ENTPD1: variants seen among roughly 807,000 people sequenced by gnomAD.
ENTPD1 encodes ATP diphosphohydrolase.
ENTPD1 carries 33 observed loss-of-function variants against 57.0 expected under a neutral mutation model. That is an observed-to-expected ratio of 0.58 (90% confidence interval 0.44 to 0.77). The LOEUF is 0.77. ENTPD1 is among the 30% of genes least tolerant of loss of function. The pLI is 0.00. For synonymous variants in ENTPD1, 202 were observed against 218.8 expected (o/e 0.92, Z 0.68); for missense variants, 501 against 603.4 (o/e 0.83, Z 1.78).
chr10:95,790,239 T>G (rs1049338989), intron 1 of ENTPD1, among the ~76,000 whole-genome samples: 1 of 152,234 alleles, frequency 6.6e-6, no homozygotes, highest in Non-Finnish European at 1.5e-5. Flanking sequence ...GGGTTATAAA[T>G]GTATTTTCAC....
At chr10:95,829,959 T>C (rs1042922654) in intron 2 of ENTPD1, among the ~76,000 whole-genome samples, 2 of 152,126 alleles carry the variant, frequency 1.3e-5, no homozygotes, top group Non-Finnish European at 2.9e-5. Context: ...AGTTTGGCTC[T>C]CAGTATGCCC....
chr10:95,734,113 C>A (rs770425846), intron 1 of ENTPD1, among the ~76,000 whole-genome samples: 1 of 152,186 alleles, frequency 6.6e-6, no homozygotes, highest in Non-Finnish European at 1.5e-5. Context: ...CACACTCCCC[C>A]TTTCCTACTT....
In ENTPD1 at chr10:95,743,185, C is replaced by T. The variant is rs139772287; in HGVS notation, c.37+31192C>T. Among the ~76,000 whole-genome samples the T allele has an allele frequency of 3.9e-5, 6 of 152,222 alleles. No homozygotes were observed. In the East Asian group the frequency reaches 1.2e-3, roughly 29 times the overall value. On this transcript the variant is annotated intron_variant, in intron 1 of 9. Coordinates refer to the ENTPD1 transcript ENST00000453258. ...CGTAGCAGTTTTGAGAAATACTGGT[C>T]AGAAATTTTTGTATAATGTCCTTCA...
chr10:95,864,635 CCTCTCTTCATCAGGG>C, intron 8 of ENTPD1, 74 bp from the exon 9 acceptor site: 1 of 1,573,814 alleles, frequency 6.4e-7, no homozygotes, highest in Admixed American at 1.7e-5. Flanking sequence ...GGGGCTTTCC[CCTCTCTTCATCAGGG>C]CTAGTAGAGA....
At chr10:95,722,245 T>A (rs982959189) in intron 1 of ENTPD1, among the ~76,000 whole-genome samples, 1 of 151,554 alleles carries the variant, frequency 6.6e-6, no homozygotes, top group Non-Finnish European at 1.5e-5. Context: ...GTTTTTTTTT[T>A]ATTATCCCAA....
At chr10:95,819,045 A>C (rs2098339552) in intron 1 of ENTPD1, among the ~76,000 whole-genome samples, 1 of 152,176 alleles carries the variant, frequency 6.6e-6, no homozygotes, top group East Asian at 1.9e-4. Context: ...ATCTGTCAAC[A>C]CCCCAAATCT....
At chr10:95,698,908 A>G in the ENTPD1 span, among the ~76,000 whole-genome samples, 2 of 152,236 alleles carry the variant, frequency 1.3e-5, no homozygotes, top group Admixed American at 1.3e-4. Context: ...CCGCCTGTGC[A>G]TAGGCTAACA....
chr10:95,858,312 G>C lies in ENTPD1; in HGVS notation c.1075-2157G>C, dbSNP rs545221331. ...GTGTACAGGTTCTAGGGGAGGAAAG[G>C]CTTGGCGGGGATTGAAAGCCAGGGT... On this transcript the variant is annotated intron_variant, in intron 7 of 9. Coordinates refer to ENST00000371205, the MANE Select transcript of ENTPD1 (RefSeq NM_001776.6). Among the ~76,000 whole-genome samples, 15 of 152,264 alleles carry C rather than the reference G, an allele frequency of 9.9e-5. No homozygotes were observed. The South Asian group carries it at 3.1e-3, about 32-fold the overall frequency.
chr10:95,819,495 A>G (rs770686017), intron 1 of ENTPD1, among the ~76,000 whole-genome samples: 8 of 152,164 alleles, frequency 5.3e-5, no homozygotes, highest in Non-Finnish European at 1.0e-4. Flanking sequence ...TCACCTTAGT[A>G]TGATTATAAC....
At chr10:95,711,854 G>A (rs554781488) in exon 1 of ENTPD1, 3 of 1,542,478 alleles carry the variant, frequency 1.9e-6, no homozygotes, top group African/African-American at 2.7e-5. Flanking sequence ...GTCAGCGATT[G>A]TCAGTGAAAC....
chr10:95,710,876 A>G (rs1379462857), upstream of ENTPD1, among the ~76,000 whole-genome samples: 1 of 152,142 alleles, frequency 6.6e-6, no homozygotes, highest in Non-Finnish European at 1.5e-5. Context: ...CAGAGCCCCA[A>G]CTTTTTACTG....
At chr10:95,797,753 A>G (rs2098232460) in intron 1 of ENTPD1, among the ~76,000 whole-genome samples, 1 of 152,208 alleles carries the variant, frequency 6.6e-6, no homozygotes, top group Non-Finnish European at 1.5e-5. Flanking sequence ...AGAGGACACC[A>G]TGCCATTCAT....
Position 95,869,067 on chromosome 10 carries a change from T to C in ENTPD1, c.*2684T>C, listed in dbSNP as rs2098477443. The stretch of plus-strand genomic sequence containing the variant: ...ACTGTTAACTAATTTTAATATTGGA[T>C]TGGCCATTGGTTATCACTGATTACC... On this transcript the variant is annotated 3_prime_UTR_variant, in exon 10 of 10. Coordinates refer to ENST00000371205, the MANE Select transcript of ENTPD1 (RefSeq NM_001776.6). 2 of 985,134 alleles carry C rather than the reference T, an allele frequency of 2.0e-6. No individual in the cohort carries two copies. Among genetic ancestry groups the C allele is most frequent in the Admixed American group, 6.2e-5 (1 of 16,252 alleles). 61.0% of individuals were successfully genotyped at this position (985,134 alleles called of 1,614,324 possible).
rs534921496 is a variant in ENTPD1 at position 95,874,640 on chromosome 10, G to A, written c.*8257G>A. Among the ~76,000 whole-genome samples the A allele has an allele frequency of 6.6e-6, 1 of 152,204 alleles. No homozygotes were observed. The highest frequency in any genetic ancestry group is 1.5e-5 in the Non-Finnish European group (1 of 68,036). On this transcript the variant is annotated 3_prime_UTR_variant, in exon 10 of 10. Coordinates refer to ENST00000371205, the MANE Select transcript of ENTPD1 (RefSeq NM_001776.6). ...GCTCCACTAGGCAGTGCCCCAACAG[G>A]GACTCTGTGTGGGGGCTCTGCCCCA...
chr10:95,844,470 G>A lies in ENTPD1; in HGVS notation c.414-6G>A, dbSNP rs1214012122. On this transcript the variant is annotated splice_polypyrimidine_tract_variant and splice_region_variant and intron_variant, in intron 4 of 9. Coordinates refer to ENST00000371205, the MANE Select transcript of ENTPD1 (RefSeq NM_001776.6). ...AAATGATAACCTCAGCTCTTCCTTT[G>A]TACAGGATGGAAAGTGAAGAGTTGG... The A allele has an allele frequency of 7.4e-6, 12 of 1,613,988 alleles. No individual in the cohort carries two copies. Among genetic ancestry groups the A allele is most frequent in the African/African-American group, 2.7e-5 (2 of 75,022 alleles).
intron 1 of ENTPD1, among the ~76,000 whole-genome samples, chr10:95,740,404 C>T (rs772256764): frequency 5.3e-5 from 8 of 152,194 alleles, no homozygotes; most frequent in African/African-American, 1.7e-4. Flanking sequence ...GGATTACAGG[C>T]GTGAGCCACT....
chr10:95,731,021 T>G (rs1307161048), intron 1 of ENTPD1, among the ~76,000 whole-genome samples: 2 of 152,210 alleles, frequency 1.3e-5, no homozygotes, highest in African/African-American at 4.8e-5. Context: ...TCTCCTCTTA[T>G]TTAGGATTTT....
intron 1 of ENTPD1, among the ~76,000 whole-genome samples, chr10:95,762,393 T>A (rs1006644619): frequency 4.7e-5 from 7 of 149,116 alleles, no homozygotes; most frequent in Admixed American, 1.3e-4. Context: ...CCTGGCAGTT[T>A]TTTTTTTTTT....
chr10:95,768,872 A>G (rs1418642771), intron 1 of ENTPD1, among the ~76,000 whole-genome samples: 1 of 152,166 alleles, frequency 6.6e-6, no homozygotes, highest in African/African-American at 2.4e-5. Flanking sequence ...TTTTGTATGT[A>G]TGTATGGATG....
Sources: allele counts gnomAD v4.1 joint callset (sites outside exome capture counted in the v4.1 genomes callset), GRCh38; gene constraint gnomAD v4.1.1; transcripts MANE v1.5; gene names NCBI Gene and HGNC (gene_info 2026-07-23, HGNC 2026-07-21).